Variants in CRYBA4 observed in about 807,000 individuals in gnomAD.
CRYBA4 encodes crystallin beta A4.
A neutral mutation model predicts 31.7 loss-of-function variants in CRYBA4; 30 were observed. The observed-to-expected ratio is 0.95, with a 90% confidence interval of 0.71 to 1.28. The LOEUF (loss-of-function observed/expected upper bound fraction) is 1.28. Ranked by LOEUF, CRYBA4 falls within the 50% of genes most tolerant of loss-of-function variation. The pLI, the probability that CRYBA4 is intolerant of heterozygous loss-of-function variation, is 0.00. For synonymous variants in CRYBA4, 102 were observed against 102.3 expected, an observed-to-expected ratio of 1.00 and a Z score of 0.02; for missense variants, 225 against 260.7, an observed-to-expected ratio of 0.86 and a Z score of 0.94.
At chr22:26,600,394 T>G in the CRYBA4 span, among the ~76,000 whole-genome samples, 1 of 151,300 alleles carries the variant, frequency 6.6e-6, no homozygotes, top group Non-Finnish European at 1.5e-5. Flanking sequence ...AGAGCGAGAC[T>G]CCATCTCAAA....
At chr22:26,607,487 T>C in the CRYBA4 span, among the ~76,000 whole-genome samples, 3 of 147,462 alleles carry the variant, frequency 2.0e-5, no homozygotes, top group Admixed American at 6.9e-5. Context: ...AGGCCAGGAG[T>C]TCAAGGCTGC....
At chr22:26,605,499 C>A in the CRYBA4 span, among the ~76,000 whole-genome samples, 1 of 151,884 alleles carries the variant, frequency 6.6e-6, no homozygotes, top group Non-Finnish European at 1.5e-5. Flanking sequence ...CATGATGAAA[C>A]CCTGTCTCTA....
At chr22:26,617,424 C>T (rs1929392455), upstream of CRYBA4, among the ~76,000 whole-genome samples, 3 of 152,176 alleles carry the variant, frequency 2.0e-5, no homozygotes, top group Admixed American at 2.0e-4. Context: ...TAAGCACATC[C>T]CTCCCCCAGC....
chr22:26,616,712 A>G, the CRYBA4 span, among the ~76,000 whole-genome samples: 1 of 152,158 alleles, frequency 6.6e-6, no homozygotes, highest in Non-Finnish European at 1.5e-5. Context: ...CCCATTTGGG[A>G]GTACTTAAGG....
At chr22:26,611,095 A>T in the CRYBA4 span, among the ~76,000 whole-genome samples, 1 of 152,234 alleles carries the variant, frequency 6.6e-6, no homozygotes, top group African/African-American at 2.4e-5. Flanking sequence ...TAAGGCCCAG[A>T]GACACCCACA....
the CRYBA4 span, among the ~76,000 whole-genome samples, chr22:26,593,474 CT>C: frequency 8.4e-4 from 121 of 144,576 alleles, no homozygotes; most frequent in African/African-American, 1.7e-3. Flanking sequence ...CTTGTCTCTA[CT>C]TTTTTTTTTT....
the CRYBA4 span, among the ~76,000 whole-genome samples, chr22:26,613,695 A>T: frequency 6.6e-6 from 1 of 152,180 alleles, no homozygotes; most frequent in East Asian, 1.9e-4. Flanking sequence ...AACTGCACAA[A>T]TTGTACAGCA....
intron 4 of CRYBA4, 88 bp downstream of exon 4, chr22:26,625,710 A>G (rs1929684036): frequency 3.0e-6 from 4 of 1,348,716 alleles, no homozygotes; most frequent in East Asian, 2.3e-5. Flanking sequence ...TGAAATTCTC[A>G]TGTCGCCACT....
At chr22:26,603,562 T>C in the CRYBA4 span, among the ~76,000 whole-genome samples, 1 of 151,000 alleles carries the variant, frequency 6.6e-6, no homozygotes, top group Admixed American at 6.6e-5. Context: ...GGGTTACTAT[T>C]GCTTCGTGGG....
At chr22:26,611,562 C>T in the CRYBA4 span, among the ~76,000 whole-genome samples, 1 of 151,568 alleles carries the variant, frequency 6.6e-6, no homozygotes, top group Non-Finnish European at 1.5e-5. Flanking sequence ...GCAAGCTCCG[C>T]TTCCCGGGTT....
the CRYBA4 span, among the ~76,000 whole-genome samples, chr22:26,601,277 A>C: frequency 6.6e-6 from 1 of 152,108 alleles, no homozygotes; most frequent in Admixed American, 6.5e-5. Context: ...CCTTCCATGT[A>C]TTCTCATGAC....
At chr22:26,602,970 A>G in the CRYBA4 span, among the ~76,000 whole-genome samples, 1 of 151,454 alleles carries the variant, frequency 6.6e-6, no homozygotes, top group African/African-American at 2.4e-5. Flanking sequence ...AAAAATACAA[A>G]AAAAATTAGC....
Position 26,630,625 on chromosome 22 carries a change from G to A in CRYBA4, c.*138G>A, listed in dbSNP as rs559390524. On this transcript the variant is annotated 3_prime_UTR_variant, in exon 6 of 6. Coordinates refer to ENST00000354760, the MANE Select transcript of CRYBA4 (RefSeq NM_001886.3). ...ACCCATGTGAACTGGTCCGTGCACA[G>A]TCAGCACAAAAAACTCAAACGAATA... The A allele has an allele frequency of 7.3e-5, 50 of 688,562 alleles. No homozygotes were observed. The highest frequency in any genetic ancestry group is 7.6e-4 in the Middle Eastern group (2 of 2,618). The allele number at this position is 688,562 out of a possible 1,614,324, so 42.7% of individuals were successfully genotyped here.
the CRYBA4 span, among the ~76,000 whole-genome samples, chr22:26,602,697 C>T: frequency 2.0e-5 from 3 of 152,110 alleles, no homozygotes; most frequent in African/African-American, 7.2e-5. Flanking sequence ...AGGGGCAGAA[C>T]CTTTCAGAGA....
At chr22:26,596,396 C>T in the CRYBA4 span, among the ~76,000 whole-genome samples, 7 of 152,196 alleles carry the variant, frequency 4.6e-5, no homozygotes, top group South Asian at 2.1e-4. Context: ...TGTGCCTGGC[C>T]GCAAAGAGGT....
At chr22:26,603,587 T>G in the CRYBA4 span, among the ~76,000 whole-genome samples, 1 of 150,850 alleles carries the variant, frequency 6.6e-6, no homozygotes, top group Non-Finnish European at 1.5e-5. Flanking sequence ...TCATGGCTAC[T>G]CAACTCACGG....
In CRYBA4 at chr22:26,627,359, C is replaced by CCCTCCCTT. The variant is rs1404229613; in HGVS notation, c.301-928_301-927insCTCCCTTC. Reference sequence around the variant, plus strand: ...CCCCTCCCTCCCTCCCTCCCTCCCTCCTTTCTTTCTTTCTTTCTTTCTTTC... The same window carrying CCCTCCCTT: ...CCCCTCCCTCCCTCCCTCCCTCCCTCCCTCCCTTCTTTCTTTCTTTCTTTCTTTCTTTC... On this transcript the variant is annotated intron_variant, in intron 4 of 5. Transcript: ENST00000354760. 5.0e-3 allele frequency among the ~76,000 whole-genome samples: 211 copies of CCCTCCCTT among 41,860 alleles called. 16 individuals carry two copies. The highest frequency in any genetic ancestry group is 0.022 in the Middle Eastern group (2 of 90). The allele number at this position is 41,860 out of a possible 152,430, so 27.5% of individuals were successfully genotyped here. A position where few individuals can be genotyped will look rare whatever the true frequency, so the allele number is the denominator to read the frequency against.
the CRYBA4 span, among the ~76,000 whole-genome samples, chr22:26,591,991 G>T: frequency 6.6e-6 from 1 of 151,810 alleles, no homozygotes. Flanking sequence ...TCATTCATTG[G>T]TCATTCATTA....
the CRYBA4 span, among the ~76,000 whole-genome samples, chr22:26,609,617 A>C: frequency 6.6e-6 from 1 of 152,130 alleles, no homozygotes; most frequent in Non-Finnish European, 1.5e-5. Context: ...GTATAAATGG[A>C]GAATGGATGT....
Sources: allele counts gnomAD v4.1 joint callset (sites outside exome capture counted in the v4.1 genomes callset), GRCh38; gene constraint gnomAD v4.1.1; transcripts MANE v1.5; gene names NCBI Gene and HGNC (gene_info 2026-07-23, HGNC 2026-07-21).